The following RPL13 variants were observed in gnomAD, a reference collection of about 807,000 sequenced individuals.
The protein encoded by RPL13 is ribosomal protein L13, also known as large ribosomal subunit protein eL13.
Under a neutral mutation model 21.4 loss-of-function variants are expected in RPL13, and 1 was observed. The observed-to-expected ratio is 0.05, with a 90% CI of 0.02 to 0.22. The LOEUF (loss-of-function observed/expected upper bound fraction) is 0.22, where lower values mean the gene tolerates loss of function less well. RPL13 is among the 10% of genes least tolerant of loss of function. The pLI, the probability that RPL13 is intolerant of heterozygous loss-of-function variation, is 1.00. For synonymous variants in RPL13, 143 were observed against 120.5 expected, an observed-to-expected ratio of 1.19 and a Z score of -1.23; for missense variants, 289 against 303.0, an observed-to-expected ratio of 0.95 and a Z score of 0.34.
rs2152414397 is a variant in RPL13, at chr16:89,561,083, C to T, written c.104+20C>T. The T allele has an allele frequency of 1.3e-6, 2 of 1,592,692 alleles. No individual in the cohort carries two copies. The highest frequency in any genetic ancestry group is 2.3e-5 in the East Asian group (1 of 43,202). ...CCGCAGGTGAGCCCTGCGCTCGGGG[C>T]TGCCCCTGGGGCTCGTGCCCGCGGC... is the stretch of plus-strand genomic sequence containing the variant. On this transcript the variant is annotated intron_variant, in intron 2 of 5. Transcript: ENST00000311528.
At chr16:89,566,672 A>T (rs2058794145), downstream of RPL13, 1 of 151,958 alleles carries the variant, frequency 6.6e-6, no homozygotes, top group African/African-American at 2.4e-5. Flanking sequence ...TCAGGAAAAA[A>T]AAAAACAAAA....
At chr16:89,562,749 G>T in intron 5 of RPL13, 135 bp from the exon 6 acceptor site, 1 of 823,266 alleles carries the variant, frequency 1.2e-6, no homozygotes, top group Non-Finnish European at 1.8e-6. Context: ...ATTGACTCAG[G>T]GTTGCTTTTC....
intron 4 of RPL13, 144 bp from the exon 5 acceptor site, chr16:89,562,191 T>G: frequency 4.1e-6 from 3 of 739,102 alleles, no homozygotes; most frequent in South Asian, 3.2e-5. Flanking sequence ...GTTCTTAACA[T>G]TGGGGCCACA....
In RPL13 at chr16:89,561,917, A is replaced by G. The variant is rs1406419558; in HGVS notation, c.420+166A>G. 3 of 769,700 alleles carry G rather than the reference A, an allele frequency of 3.9e-6. No individual in the cohort carries two copies. The Admixed American group carries it at 8.7e-5, about 22-fold the overall frequency. 47.7% of individuals were successfully genotyped at this position (769,700 alleles called of 1,614,324 possible). On this transcript the variant is annotated intron_variant, in intron 4 of 5. Coordinates refer to ENST00000311528, the MANE Select transcript of RPL13 (RefSeq NM_000977.4). ...GGTTCACCTGTGCGTTTCCGCAGAGATAACCTTAATGGACATGGCAAGGCT... is the reference window on the plus strand; with the variant it reads ...GGTTCACCTGTGCGTTTCCGCAGAGGTAACCTTAATGGACATGGCAAGGCT...
rs758769626 is a variant in RPL13, at chr16:89,561,578, G to T, written c.247G>T (p.Val83Leu). The change falls in exon 4 of 6, where the codon GTG (valine) becomes TTG (leucine). Residue 83 changes from valine to leucine, a missense_variant and splice_region_variant. Transcript: ENST00000311528. ...GRGFSLEELR[V>L]AGIHKKVART... ...CCATCTCTCTCTGGTTCTGGGGCAG[G>T]TGGCCGGCATTCACAAGAAGGTGGC... 1 of 1,613,436 alleles carries T rather than the reference G, an allele frequency of 6.2e-7. No individual in the cohort carries two copies. The highest frequency in any genetic ancestry group is 1.7e-5 in the Admixed American group (1 of 60,030).
intron 4 of RPL13, 139 bp from the exon 5 acceptor site, chr16:89,562,196 G>A: frequency 1.3e-6 from 1 of 756,714 alleles, no homozygotes; most frequent in Non-Finnish European, 2.3e-6. Context: ...TAACATTGGG[G>A]CCACAAAGTG....
In RPL13 at chr16:89,560,699, T is replaced by C. The variant is rs2058735804; in HGVS notation, c.-34T>C. 1 of 414,540 alleles carries C rather than the reference T, an allele frequency of 2.4e-6. No individual in the cohort carries two copies. The highest frequency in any genetic ancestry group is 4.6e-5 in the Admixed American group (1 of 21,808). 25.7% of individuals were successfully genotyped at this position (414,540 alleles called of 1,614,324 possible). On this transcript the variant is annotated 5_prime_UTR_variant, in exon 1 of 6. Transcript: ENST00000311528. ...GCCGCTTCCTTTCCGCTCGGCTGTT[T>C]TCCTGCGCAGGAGGTGAGGGAGACT...
chr16:89,562,482 T>G (rs770055677), intron 5 of RPL13, 91 bp downstream of exon 5: 5 of 1,250,504 alleles, frequency 4.0e-6, no homozygotes, highest in Non-Finnish European at 4.5e-6. Flanking sequence ...GGGTCAGGCT[T>G]AAGAACGTTA....
intron 3 of RPL13, 29 bp from the exon 4 acceptor site, chr16:89,561,549 G>T: frequency 6.2e-7 from 1 of 1,613,314 alleles, no homozygotes; most frequent in South Asian, 1.1e-5. Flanking sequence ...GCCCGGGCCT[G>T]TCTCCATCTC....
chr16:89,563,086 C>G lies in RPL13; in HGVS notation c.*44C>G. On this transcript the variant is annotated 3_prime_UTR_variant, in exon 6 of 6. Transcript: ENST00000311528. The stretch of plus-strand genomic sequence containing the variant: ...GAATCAGTCGGCAGTCATGCTGGGT[C>G]TCCACGTGGTGTGTTTCGTGGGAAC... The G allele has an allele frequency of 5.5e-6, 8 of 1,447,786 alleles. No individual in the cohort carries two copies. The highest frequency in any genetic ancestry group is 7.3e-6 in the Non-Finnish European group (8 of 1,094,580). The allele number at this position is 1,447,786 out of a possible 1,614,324, so 89.7% of individuals were successfully genotyped here.
chr16:89,562,470 G>T (rs1490984604), intron 5 of RPL13, 79 bp downstream of exon 5: 1 of 1,394,784 alleles, frequency 7.2e-7, no homozygotes, highest in East Asian at 2.4e-5. Flanking sequence ...TGCGGGTGAT[G>T]GGGGTCAGGC....
rs950410259 is a variant in RPL13, at chr16:89,564,490, CTGA to C, written c.*1451_*1453del. The C allele has an allele frequency of 6.6e-6, 1 of 152,116 alleles. No homozygotes were observed. The highest frequency in any genetic ancestry group is 2.4e-5 in the African/African-American group (1 of 41,396). The allele number at this position is 152,116 out of a possible 1,614,324, so 9.4% of individuals were successfully genotyped here. ...TGGGAGGCCGAGGCGGGTGGATCAC[CTGA>C]TGGTGAAACCTCATCTCTACTGAAA... is the stretch of plus-strand genomic sequence containing the variant. On this transcript the variant is annotated 3_prime_UTR_variant, in exon 6 of 6. Transcript: ENST00000311528.
At chr16:89,566,116 A>T (rs910111156), downstream of RPL13, 2 of 150,588 alleles carry the variant, frequency 1.3e-5, no homozygotes, top group East Asian at 3.9e-4. Context: ...CGGCAGGTTC[A>T]TCTCTGGGGC....
At chr16:89,560,886 G>A (rs1034010608) in intron 1 of RPL13, 54 bp from the exon 2 acceptor site, 2 of 1,371,632 alleles carry the variant, frequency 1.5e-6, no homozygotes, top group African/African-American at 1.5e-5. Flanking sequence ...GGAGGCCCGG[G>A]GGGGTGCGCG....
rs375069797 is a variant in RPL13 at position 89,561,352 on chromosome 16, G to A, written c.230G>A (p.Ser77Asn). The change falls in exon 3 of 6, where the codon AGC (serine) becomes AAC (asparagine). Residue 77 changes from serine (S) to asparagine (N), a missense_variant. Physicochemically the swap from Ser to Asn is conservative, Grantham distance 46. Transcript: ENST00000311528. Reference protein sequence around the residue: ...HTKVRAGRGFSLEELRVAGIH... With the variant: ...HTKVRAGRGFNLEELRVAGIH... ...AAGGTGCGCGCCGGCCGCGGCTTCA[G>A]CCTGGAGGAGCTCAGGGTGAGTACT... The A allele has an allele frequency of 3.7e-6, 6 of 1,605,836 alleles. No individual in the cohort carries two copies. The highest frequency in any genetic ancestry group is 4.2e-6 in the Non-Finnish European group (5 of 1,179,398).
Position 89,562,367 on chromosome 16 carries a change from C to A in RPL13, c.453C>A (p.Thr151=). ...AEELKLATQL[T]GPVMPVRNVY... Reference sequence around the variant, plus strand: ...AACTGAAACTGGCCACCCAGCTGACCGGACCGGTCATGCCCGTCCGGAACG... The same window carrying A: ...AACTGAAACTGGCCACCCAGCTGACAGGACCGGTCATGCCCGTCCGGAACG... Residue 151 remains threonine (T), a synonymous_variant, in exon 5 of 6, where the codon ACC becomes ACA. Coordinates refer to ENST00000311528, the MANE Select transcript of RPL13 (RefSeq NM_000977.4). 1 of 1,613,060 alleles carries A rather than the reference C, an allele frequency of 6.2e-7. No homozygotes were observed. Among genetic ancestry groups the A allele is most frequent in the Non-Finnish European group, 8.5e-7 (1 of 1,179,858 alleles).
Position 89,561,761 on chromosome 16 carries a change from C to T in RPL13, c.420+10C>T, listed in dbSNP as rs751238922. 1.9e-6 allele frequency: 3 copies of T among 1,610,260 alleles called. No homozygotes were observed. Among genetic ancestry groups the T allele is most frequent in the Admixed American group, 1.7e-5 (1 of 59,918 alleles). On this transcript the variant is annotated intron_variant, in intron 4 of 5. Coordinates refer to ENST00000311528, the MANE Select transcript of RPL13 (RefSeq NM_000977.4). The stretch of plus-strand genomic sequence containing the variant: ...GAAGGGAGACAGTTCTGTGAGTACA[C>T]GGCTCTCTGGCCGTCCTGGTGCGCG...
chr16:89,560,664 G>A, upstream of RPL13: 1 of 335,412 alleles, frequency 3.0e-6, no homozygotes, highest in Non-Finnish European at 5.5e-6. Context: ...ATCCCAGAGT[G>A]CATTGCGGGG....
At chr16:89,561,204 G>T (rs552749278) in intron 2 of RPL13, 23 bp from the exon 3 acceptor site, 2 of 1,533,208 alleles carry the variant, frequency 1.3e-6, no homozygotes, top group Non-Finnish European at 1.7e-6. Flanking sequence ...AAGGGTGACC[G>T]CCGCTGCGCT....
Sources: gnomAD v4.1 joint callset for allele counts on GRCh38, gnomAD v4.1.1 for gene constraint, MANE v1.5 for transcripts, NCBI Gene and HGNC (gene_info 2026-07-23, HGNC 2026-07-21) for gene names.